POM121C: variants seen among roughly 807,000 people sequenced by gnomAD.
The protein encoded by POM121C is POM121 transmembrane nucleoporin C.
POM121C carries 20 observed loss-of-function variants against 66.4 expected under a neutral mutation model. The ratio of observed to expected loss-of-function variants is 0.30; its 90% confidence interval spans 0.21 to 0.44. The LOEUF is 0.44. Among genes scored for constraint, POM121C ranks in the 20% least tolerant of loss-of-function variants. The pLI is 1.00. For missense variants in POM121C, 580 were observed against 1,225.7 expected (o/e 0.47, Z 7.87); for synonymous variants, 286 against 528.0 (o/e 0.54, Z 6.28).
intron 3 of POM121C, among the ~76,000 whole-genome samples, chr7:75,471,142 T>C (rs1230430620): frequency 2.0e-5 from 3 of 152,200 alleles, no homozygotes; most frequent in Non-Finnish European, 2.9e-5. Flanking sequence ...GGCATTCTAA[T>C]GAGCTAAGCA....
At chr7:75,449,843 C>T (rs372278065) in intron 3 of POM121C, among the ~76,000 whole-genome samples, 3 of 151,944 alleles carry the variant, frequency 2.0e-5, no homozygotes, top group East Asian at 2.0e-4. Flanking sequence ...TGGCCAGGCC[C>T]GTCTCTACTA....
rs587679910 is a variant in POM121C, at chr7:75,423,980, C to T, written c.1048+69G>A. Reference sequence around the variant, plus strand: ...AATCTCCAGCGACTGACAGGCACGACGCCCTTATTCCAACCCAAGCCGGGG... The same window carrying T: ...AATCTCCAGCGACTGACAGGCACGATGCCCTTATTCCAACCCAAGCCGGGG... On this transcript the variant is annotated intron_variant, in intron 12 of 14. Transcript: ENST00000615331. The T allele has an allele frequency of 1.4e-4, 221 of 1,534,298 alleles. 1 individual carries two copies. Among genetic ancestry groups the T allele is most frequent in the Non-Finnish European group, 1.9e-4 (209 of 1,117,570 alleles).
At chr7:75,473,495 G>T (rs1190455630) in intron 3 of POM121C, among the ~76,000 whole-genome samples, 1 of 152,112 alleles carries the variant, frequency 6.6e-6, no homozygotes, top group Non-Finnish European at 1.5e-5. Context: ...TGGGGAAAGA[G>T]GGGAAAGCTG....
chr7:75,447,007 C>CAAA (rs60389539), intron 3 of POM121C, among the ~76,000 whole-genome samples: 40 of 53,540 alleles, frequency 7.5e-4, no homozygotes, highest in Admixed American at 1.3e-3. Context: ...GACTCCGTCT[C>CAAA]AAAAAAAAAA....
chr7:75,442,063 T>C lies in POM121C; in HGVS notation c.-151-416A>G, dbSNP rs2005605. 107 of 1,304,562 alleles carry C rather than the reference T, an allele frequency of 8.2e-5. 1 individual carries two copies. The South Asian group carries it at 1.7e-3, about 20-fold the overall frequency. The allele number at this position is 1,304,562 out of a possible 1,614,324, so 80.8% of individuals were successfully genotyped here. On this transcript the variant is annotated intron_variant, in intron 3 of 14. Coordinates refer to ENST00000615331, the MANE Select transcript of POM121C (RefSeq NM_001099415.3). ...CAATTCCCTTCGGATTTGATGAAAA[T>C]GCAAATCGGATTTAAAAGTCAAGTC...
chr7:75,465,467 G>C lies in POM121C; in HGVS notation c.-152+9237C>G, dbSNP rs587673452. Among the ~76,000 whole-genome samples the C allele has an allele frequency of 1.7e-3, 254 of 151,560 alleles. 1 individual carries two copies. Among genetic ancestry groups the C allele is most frequent in the Non-Finnish European group, 3.1e-3 (213 of 67,852 alleles). On this transcript the variant is annotated intron_variant, in intron 3 of 14. Coordinates refer to ENST00000615331, the MANE Select transcript of POM121C (RefSeq NM_001099415.3). ...AAAAAAAAAAATAAAAAAGTAGCCT[G>C]AGTCCGGCCTGGCACAGTGGCTCAC...
chr7:75,483,462 T>C (rs1482800948), intron 1 of POM121C, among the ~76,000 whole-genome samples: 3 of 152,202 alleles, frequency 2.0e-5, no homozygotes, highest in South Asian at 2.1e-4. Flanking sequence ...TGATGGAAGA[T>C]GCACCCACTT....
At chr7:75,448,134 ACTTGAGCCTGGGGGTTTC>A (rs1200011129) in intron 3 of POM121C, among the ~76,000 whole-genome samples, 4 of 151,998 alleles carry the variant, frequency 2.6e-5, no homozygotes, top group African/African-American at 7.2e-5. Flanking sequence ...TGGGAGGTTC[ACTTGAGCCTGGGGGTTTC>A]CTTGAGCCTG....
chr7:75,421,349 T>G, intron 13 of POM121C, 160 bp downstream of exon 13: 1 of 1,474,320 alleles, frequency 6.8e-7, no homozygotes, highest in Non-Finnish European at 9.0e-7. Flanking sequence ...CAGTCATTAC[T>G]ACGTTAGCAA....
intron 7 of POM121C, among the ~76,000 whole-genome samples, chr7:75,436,142 A>G (rs1394322006): frequency 9.2e-5 from 14 of 152,214 alleles, no homozygotes; most frequent in Non-Finnish European, 2.1e-4. Flanking sequence ...AATCAAATAG[A>G]TTACATAAAA....
intron 7 of POM121C, among the ~76,000 whole-genome samples, chr7:75,431,841 ATT>A (rs1320475198): frequency 6.6e-6 from 1 of 151,916 alleles, no homozygotes; most frequent in Admixed American, 6.6e-5. Context: ...AATCTCAGCT[ATT>A]TGGGAGGCTG....
At chr7:75,474,104 T>G (rs1219632595) in intron 3 of POM121C, among the ~76,000 whole-genome samples, 1 of 152,096 alleles carries the variant, frequency 6.6e-6, no homozygotes, top group Non-Finnish European at 1.5e-5. Flanking sequence ...AATGAAACAA[T>G]TCTGTAAGGC....
intron 3 of POM121C, among the ~76,000 whole-genome samples, chr7:75,452,957 G>C (rs149130632): frequency 6.6e-6 from 1 of 152,076 alleles, no homozygotes; most frequent in Admixed American, 6.6e-5. Flanking sequence ...GGAGAGGAAC[G>C]GATCAAGCTA....
chr7:75,434,530 G>A (rs1447476916), intron 7 of POM121C, among the ~76,000 whole-genome samples: 1 of 151,066 alleles, frequency 6.6e-6, no homozygotes, highest in Non-Finnish European at 1.5e-5. Flanking sequence ...ACCTGCCTTG[G>A]CTTCCCAAAG....
intron 1 of POM121C, among the ~76,000 whole-genome samples, chr7:75,485,206 G>A (rs1792475741): frequency 6.6e-6 from 1 of 152,134 alleles, no homozygotes; most frequent in African/African-American, 2.4e-5. Context: ...AATTGAGTAT[G>A]TGAGCTCTCA....
At chr7:75,484,662 C>CA (rs10690558) in intron 1 of POM121C, among the ~76,000 whole-genome samples, 17,907 of 48,602 alleles carry the variant, frequency 0.37, 4,072 homozygotes, top group East Asian at 0.82. Flanking sequence ...GACACTGTCT[C>CA]AAAAAAAAAA....
chr7:75,485,690 C>T (rs1353020494), intron 1 of POM121C, among the ~76,000 whole-genome samples, 174 bp downstream of exon 1: 1 of 152,196 alleles, frequency 6.6e-6, no homozygotes, highest in Non-Finnish European at 1.5e-5. Context: ...CTCGTCCTCC[C>T]AGATCTTCCC....
chr7:75,440,877 CTT>C, intron 5 of POM121C, 75 bp downstream of exon 5: 1 of 1,611,588 alleles, frequency 6.2e-7, no homozygotes, highest in Non-Finnish European at 8.5e-7. Flanking sequence ...GCCTCTGTAT[CTT>C]TACGGGAATG....
chr7:75,421,893 G>A lies in POM121C; in HGVS notation c.2359C>T (p.Pro787Ser), dbSNP rs781950658. The A allele has an allele frequency of 1.2e-6, 2 of 1,612,474 alleles. No homozygotes were observed. The highest frequency in any genetic ancestry group is 1.7e-6 in the Non-Finnish European group (2 of 1,179,628). Residue 787 changes from proline to serine, a missense_variant, in exon 13 of 15, where the codon CCC becomes TCC. Transcript: ENST00000615331. ...CCAAAGGCGGGCTGTGAGCTGGCGG[G>A]AGCGCCGAAGGCGGAAGCCGTGGCT... Reference protein sequence around the residue: ...LKATASAFGAPASSQPAFGGS... With the variant: ...LKATASAFGASASSQPAFGGS...
Sources: gnomAD v4.1 joint callset for allele counts (sites outside exome capture counted in the v4.1 genomes callset) on GRCh38, gnomAD v4.1.1 for gene constraint, MANE v1.5 for transcripts, NCBI Gene and HGNC (gene_info 2026-07-23, HGNC 2026-07-21) for gene names.